The following SMYD4 variants were observed in gnomAD, a reference collection of about 807,000 sequenced individuals.
The protein encoded by SMYD4 is SET and MYND domain containing 4, also known as protein-lysine N-methyltransferase SMYD4.
A neutral mutation model predicts 72.8 loss-of-function variants in SMYD4; 68 were observed. The observed-to-expected ratio is 0.93, with a 90% CI of 0.77 to 1.14. The LOEUF (loss-of-function observed/expected upper bound fraction) is 1.14, where lower values mean the gene tolerates loss of function less well. Ranked by LOEUF, SMYD4 falls within the 50% of genes most tolerant of loss-of-function variation. SMYD4 has a pLI of 0.00. For missense variants in SMYD4, 984 were observed against 1,003.7 expected, an observed-to-expected ratio of 0.98 and a Z score of 0.27; for synonymous variants, 407 against 388.6, an observed-to-expected ratio of 1.05 and a Z score of -0.56.
At chr17:1,788,253 G>T (rs1908811722) in intron 5 of SMYD4, among the ~76,000 whole-genome samples, 1 of 152,134 alleles carries the variant, frequency 6.6e-6, no homozygotes, top group Non-Finnish European at 1.5e-5. Context: ...TCAGGAGGCT[G>T]AGGTGGGAGG....
intron 5 of SMYD4, among the ~76,000 whole-genome samples, chr17:1,796,903 C>T (rs1909437110): frequency 6.6e-6 from 1 of 152,150 alleles, no homozygotes; most frequent in African/African-American, 2.4e-5. Context: ...GAAAAATACT[C>T]AGCAGCTATA....
At position 1,817,581 on chromosome 17, in the gene SMYD4, G is replaced by A. The variant is rs572632019; in HGVS notation, c.135-5466C>T. On this transcript the variant is annotated intron_variant, in intron 2 of 10. Transcript: ENST00000305513. ...ACTCCTGGGCTCAAGTGATCCTTCC[G>A]CCTTGGCCTCTCAAAAGAGTGGTGG... is the stretch of plus-strand genomic sequence containing the variant. Among the ~76,000 whole-genome samples the A allele has an allele frequency of 2.7e-4, 41 of 152,122 alleles. 1 individual carries two copies. The highest frequency in any genetic ancestry group is 7.9e-4 in the Admixed American group (12 of 15,258).
intron 2 of SMYD4, among the ~76,000 whole-genome samples, chr17:1,826,731 T>C (rs1444954190): frequency 1.3e-5 from 2 of 152,214 alleles, no homozygotes; most frequent in Non-Finnish European, 2.9e-5. Context: ...TTCTGCTTTA[T>C]ACGTCATTTT....
intron 3 of SMYD4, among the ~76,000 whole-genome samples, chr17:1,809,210 C>T (rs72822473): frequency 0.023 from 3,530 of 151,902 alleles, 64 homozygotes; most frequent in Non-Finnish European, 0.041. Flanking sequence ...CTTTTAATAT[C>T]CAAGGTCACA....
At chr17:1,798,244 C>G (rs1764048005) in intron 5 of SMYD4, among the ~76,000 whole-genome samples, 1 of 151,666 alleles carries the variant, frequency 6.6e-6, no homozygotes, top group South Asian at 2.1e-4. Flanking sequence ...GATTCTCCTG[C>G]CTCAGCCTCC....
At chr17:1,826,725 G>C (rs908601735) in intron 2 of SMYD4, among the ~76,000 whole-genome samples, 1 of 152,066 alleles carries the variant, frequency 6.6e-6, no homozygotes. Flanking sequence ...ATAAGGTTCT[G>C]CTTTATACGT....
At chr17:1,787,215 C>T (rs1398350409) in intron 6 of SMYD4, among the ~76,000 whole-genome samples, 1 of 152,184 alleles carries the variant, frequency 6.6e-6, no homozygotes, top group Non-Finnish European at 1.5e-5. Flanking sequence ...GATTAAACAG[C>T]GAGACATAGT....
Position 1,800,738 on chromosome 17 carries a change from G to A in SMYD4, c.656C>T (p.Ala219Val). Residue 219 changes from alanine to valine, a missense_variant, in exon 5 of 11, where the codon GCA becomes GTA. By Grantham distance (64) the Ala-to-Val change is moderately conservative (BLOSUM62 0). Coordinates refer to ENST00000305513, the MANE Select transcript of SMYD4 (RefSeq NM_052928.3). ...TTGTTCATTCTCCTCCCTCAGCGCT[G>A]CATCCTCAAGGGTTTTGGCCAGAGC... ...PAALAKTLED[A>V]ALREENEQLS... The A allele has an allele frequency of 6.2e-7, 1 of 1,614,196 alleles. No homozygotes were observed. Among genetic ancestry groups the A allele is most frequent in the Non-Finnish European group, 8.5e-7 (1 of 1,180,044 alleles).
In SMYD4 at chr17:1,792,736, G is replaced by A. The variant is rs527295636; in HGVS notation, c.1538-5132C>T. On this transcript the variant is annotated intron_variant, in intron 5 of 10. Coordinates refer to ENST00000305513, the MANE Select transcript of SMYD4 (RefSeq NM_052928.3). The stretch of plus-strand genomic sequence containing the variant: ...TTACTAGAGAGGTTAGAGAGTGACC[G>A]TTTTTACTTATCACTATCTACTTCG... Among the ~76,000 whole-genome samples the A allele has an allele frequency of 2.6e-4, 40 of 152,200 alleles. 1 individual carries two copies. The South Asian group carries it at 7.7e-3, about 29-fold the overall frequency.
intron 5 of SMYD4, among the ~76,000 whole-genome samples, chr17:1,788,064 T>C (rs957415426): frequency 5.9e-5 from 9 of 152,102 alleles, no homozygotes; most frequent in East Asian, 1.9e-4. Context: ...CCAAACTTTA[T>C]ATATTTAAGC....
At chr17:1,792,462 A>T (rs1417474147) in intron 5 of SMYD4, among the ~76,000 whole-genome samples, 1 of 152,094 alleles carries the variant, frequency 6.6e-6, no homozygotes, top group African/African-American at 2.4e-5. Context: ...CCTTGCTAAC[A>T]CGGTGAAACC....
chr17:1,799,925 A>G lies in SMYD4; in HGVS notation c.1469T>C (p.Val490Ala). The change falls in exon 5 of 11, where the codon GTG (valine) becomes GCG (alanine). Residue 490 changes from valine to alanine, a missense_variant. Physicochemically the swap from Val to Ala is moderately conservative, Grantham distance 64. Transcript: ENST00000305513. ...ELCPDVTIWG[V>A]AMLRHMLQLQ... Reference sequence around the variant, plus strand: ...CTGTAACATGTGTCTCAGCATCGCCACTCCCCAAATAGTCACGTCAGGACA... The same window carrying G: ...CTGTAACATGTGTCTCAGCATCGCCGCTCCCCAAATAGTCACGTCAGGACA... 6.2e-7 allele frequency: 1 copy of G among 1,613,822 alleles called. No homozygotes were observed. Among genetic ancestry groups the G allele is most frequent in the Non-Finnish European group, 8.5e-7 (1 of 1,179,858 alleles).
rs753581837 is a variant in SMYD4, at chr17:1,804,661, G to C, written c.334C>G (p.Arg112Gly). ...TEDMSLCHAN[R>G]SAALFHLGQY... is the part of the protein sequence containing the mutation. ...CCCAGGTGGAAGAGGGCTGCCGAGCGGTTAGCATGACACAGTGACATGTCC... is the reference window on the plus strand; with the variant it reads ...CCCAGGTGGAAGAGGGCTGCCGAGCCGTTAGCATGACACAGTGACATGTCC... The change falls in exon 4 of 11, where the codon CGC (arginine) becomes GGC (glycine). Residue 112 changes from arginine to glycine, a missense_variant. Physicochemically the swap from Arg to Gly is moderately radical, Grantham distance 125. Coordinates refer to ENST00000305513, the MANE Select transcript of SMYD4 (RefSeq NM_052928.3). 1 of 1,613,704 alleles carries C rather than the reference G, an allele frequency of 6.2e-7. No individual in the cohort carries two copies. Among genetic ancestry groups the C allele is most frequent in the Non-Finnish European group, 8.5e-7 (1 of 1,179,760 alleles).
intron 5 of SMYD4, among the ~76,000 whole-genome samples, chr17:1,788,342 C>A (rs1258605495): frequency 6.6e-6 from 1 of 151,746 alleles, no homozygotes; most frequent in East Asian, 1.9e-4. Context: ...ACAGAGCAGG[C>A]CCTGTCTGAA....
chr17:1,804,420 GC>G, intron 4 of SMYD4: 1 of 437,722 alleles, frequency 2.3e-6, no homozygotes, highest in Non-Finnish European at 4.3e-6. Flanking sequence ...CAGGTGATCC[GC>G]CCGCCTTGAC....
intron 5 of SMYD4, among the ~76,000 whole-genome samples, chr17:1,787,902 A>G (rs146775036): frequency 1.3e-3 from 202 of 152,376 alleles, no homozygotes; most frequent in Middle Eastern, 0.01. Flanking sequence ...AAAAGGGATG[A>G]TAAGTAGGGA....
At chr17:1,795,038 G>C (rs998443004) in intron 5 of SMYD4, among the ~76,000 whole-genome samples, 2 of 151,900 alleles carry the variant, frequency 1.3e-5, no homozygotes, top group Non-Finnish European at 2.9e-5. Flanking sequence ...GTTTATCCAG[G>C]GTTTCTACAT....
intron 3 of SMYD4, among the ~76,000 whole-genome samples, chr17:1,808,195 T>C (rs1242244798): frequency 1.3e-5 from 2 of 152,218 alleles, no homozygotes; most frequent in Non-Finnish European, 2.9e-5. Context: ...AAGATGCTCA[T>C]TGCAGTATTA....
Position 1,808,994 on chromosome 17 carries a change from T to C in SMYD4, c.279+2977A>G, listed in dbSNP as rs1465530958. Among the ~76,000 whole-genome samples the C allele has an allele frequency of 1.3e-5, 2 of 152,198 alleles. 1 individual carries two copies. Among genetic ancestry groups the C allele is most frequent in the Non-Finnish European group, 2.9e-5 (2 of 68,036 alleles). On this transcript the variant is annotated intron_variant, in intron 3 of 10. Coordinates refer to ENST00000305513, the MANE Select transcript of SMYD4 (RefSeq NM_052928.3). Reference sequence around the variant, plus strand: ...CCCAAACTTCAAGCACGTTCAAGCATAAACCTGTTAAAGATTCAGAGTAGG... The same window carrying C: ...CCCAAACTTCAAGCACGTTCAAGCACAAACCTGTTAAAGATTCAGAGTAGG...
Sources: allele counts gnomAD v4.1 joint callset (sites outside exome capture counted in the v4.1 genomes callset), GRCh38; gene constraint gnomAD v4.1.1; transcripts MANE v1.5; gene names NCBI Gene and HGNC (gene_info 2026-07-23, HGNC 2026-07-21).